The following CDH13 variants were observed in gnomAD, a reference collection of about 807,000 sequenced individuals.
CDH13 encodes the protein cadherin 13.
Under a neutral mutation model 63.8 loss-of-function variants are expected in CDH13, and 24 were observed. The ratio of observed to expected loss-of-function variants is 0.38; its 90% CI spans 0.27 to 0.53. The LOEUF (loss-of-function observed/expected upper bound fraction) is 0.53, where lower values mean the gene tolerates loss of function less well. Among genes scored for constraint, CDH13 ranks in the 20% least tolerant of loss-of-function variants. The pLI, the probability that CDH13 is intolerant of heterozygous loss-of-function variation, is 0.85. For synonymous variants in CDH13, 503 were observed against 355.3 expected (o/e 1.42, Z -4.67); for missense variants, 1,049 against 903.1 (o/e 1.16, Z -2.07).
At chr16:83,680,387 A>T (rs1369828171) in intron 10 of CDH13, among the ~76,000 whole-genome samples, 1 of 152,180 alleles carries the variant, frequency 6.6e-6, no homozygotes, top group Non-Finnish European at 1.5e-5. Context: ...AGGGATGAAC[A>T]TCCTGTCTGG....
intron 1 of CDH13, among the ~76,000 whole-genome samples, chr16:82,669,015 C>G (rs536548045): frequency 6.6e-6 from 1 of 152,298 alleles, no homozygotes; most frequent in African/African-American, 2.4e-5. Context: ...TCATATTGCT[C>G]TCATTGCCAT....
chr16:83,737,970 AT>A (rs1342932540), intron 10 of CDH13, among the ~76,000 whole-genome samples: 2 of 152,224 alleles, frequency 1.3e-5, no homozygotes, highest in African/African-American at 4.8e-5. Flanking sequence ...TGATGAGGCA[AT>A]GGCAGACAGT....
At position 82,784,302 on chromosome 16, in the gene CDH13, G is replaced by A. The variant is rs545911564; in HGVS notation, c.46-74060G>A. ...GTCGGCCAGAATGCAGAAGTATCAC[G>A]GCGCAGCATGTGGGAGAGGTTCTTA... is the stretch of plus-strand genomic sequence containing the variant. On this transcript the variant is annotated intron_variant, in intron 1 of 13. Transcript: ENST00000567109. Among the ~76,000 whole-genome samples, 23 of 152,314 alleles carry A rather than the reference G, an allele frequency of 1.5e-4. No homozygotes were observed. The East Asian group carries it at 4.0e-3, about 27-fold the overall frequency.
intron 1 of CDH13, among the ~76,000 whole-genome samples, chr16:82,753,677 G>A (rs781116449): frequency 3.3e-5 from 5 of 152,222 alleles, no homozygotes; most frequent in Admixed American, 6.5e-5. Flanking sequence ...TGAGCTTGCT[G>A]ACTGTGAGCA....
intron 4 of CDH13, among the ~76,000 whole-genome samples, chr16:83,146,324 A>G (rs1293632841): frequency 1.3e-5 from 2 of 152,262 alleles, no homozygotes; most frequent in South Asian, 4.1e-4. Context: ...TTATGTCTAG[A>G]TAACTCCATC....
At chr16:83,112,529 T>C (rs1453747235) in intron 3 of CDH13, among the ~76,000 whole-genome samples, 2 of 152,184 alleles carry the variant, frequency 1.3e-5, no homozygotes, top group African/African-American at 2.4e-5. Flanking sequence ...TTAGAAGAAA[T>C]AGCCAAAAAG....
intron 8 of CDH13, among the ~76,000 whole-genome samples, chr16:83,620,943 T>A (rs546209549): frequency 1.3e-5 from 2 of 152,192 alleles, no homozygotes; most frequent in South Asian, 4.1e-4. Flanking sequence ...TGGGGCCCCA[T>A]GCTGTTAAGT....
At chr16:83,010,267 G>A (rs1044157570) in intron 2 of CDH13, among the ~76,000 whole-genome samples, 6 of 150,910 alleles carry the variant, frequency 4.0e-5, no homozygotes, top group Admixed American at 2.0e-4. Context: ...CTTGGTCCAC[G>A]CCAATCCCAT....
At chr16:83,558,905 C>T (rs1426536727) in intron 7 of CDH13, among the ~76,000 whole-genome samples, 1 of 152,132 alleles carries the variant, frequency 6.6e-6, no homozygotes, top group African/African-American at 2.4e-5. Context: ...ACAGTCACAT[C>T]GGGTCCTCTG....
At chr16:82,936,538 A>G (rs1043056835) in intron 2 of CDH13, among the ~76,000 whole-genome samples, 1 of 152,306 alleles carries the variant, frequency 6.6e-6, no homozygotes, top group Non-Finnish European at 1.5e-5. Context: ...AGGTTGGAAG[A>G]CTGCTGATCT....
At chr16:83,744,283 G>A (rs1397451737) in intron 10 of CDH13, among the ~76,000 whole-genome samples, 1 of 152,178 alleles carries the variant, frequency 6.6e-6, no homozygotes, top group Non-Finnish European at 1.5e-5. Context: ...ACCTAGTGAG[G>A]TGATTAATTC....
At chr16:83,442,225 A>G (rs1027900922) in intron 6 of CDH13, among the ~76,000 whole-genome samples, 1 of 152,134 alleles carries the variant, frequency 6.6e-6, no homozygotes, top group Non-Finnish European at 1.5e-5. Context: ...GGCCTCAGTT[A>G]CCTCATCCGT....
chr16:83,398,286 T>A (rs2091917237), intron 6 of CDH13: 1 of 152,226 alleles, frequency 6.6e-6, no homozygotes, highest in South Asian at 2.1e-4. Flanking sequence ...ATGCTCCCTT[T>A]AAAGGCTCCA....
intron 3 of CDH13, among the ~76,000 whole-genome samples, chr16:83,120,763 C>CTTTTTATTTTTTTTTTTTTTTTTTTTT (rs2035531827): frequency 1.7e-5 from 1 of 60,226 alleles, no homozygotes; most frequent in African/African-American, 4.8e-5. Context: ...AATTTTCTTT[C>CTTTTTATTTTTTTTTTTTTTTTTTTTT]TTTTTTTTTT....
At chr16:83,035,132 A>G (rs1916732712) in intron 3 of CDH13, among the ~76,000 whole-genome samples, 1 of 152,186 alleles carries the variant, frequency 6.6e-6, no homozygotes, top group Non-Finnish European at 1.5e-5. Context: ...AACAAAATAG[A>G]TAGCAAAAGA....
At chr16:83,668,892 G>A (rs1291340619) in intron 8 of CDH13, among the ~76,000 whole-genome samples, 2 of 152,210 alleles carry the variant, frequency 1.3e-5, no homozygotes, top group South Asian at 4.1e-4. Context: ...TTCCTGCTGA[G>A]CCCAGATGTA....
intron 5 of CDH13, among the ~76,000 whole-genome samples, chr16:83,281,250 G>C (rs143926765): frequency 1.3e-5 from 2 of 152,328 alleles, no homozygotes; most frequent in African/African-American, 4.8e-5. Context: ...GCTTCGCCTA[G>C]CACTATGTTA....
intron 2 of CDH13, among the ~76,000 whole-genome samples, chr16:82,943,776 A>C (rs1444148531): frequency 6.6e-6 from 1 of 152,240 alleles, no homozygotes; most frequent in Non-Finnish European, 1.5e-5. Flanking sequence ...ATGTCTCTCA[A>C]GGTAGTGTCT....
intron 8 of CDH13, among the ~76,000 whole-genome samples, chr16:83,624,602 C>T (rs1381123834): frequency 3.3e-5 from 5 of 152,122 alleles, no homozygotes; most frequent in Admixed American, 1.3e-4. Flanking sequence ...GGTGCTCAGG[C>T]GGTCATGCTC....
Sources: gnomAD v4.1 joint callset for allele counts (sites outside exome capture counted in the v4.1 genomes callset) on GRCh38, gnomAD v4.1.1 for gene constraint, MANE v1.5 for transcripts, NCBI Gene and HGNC (gene_info 2026-07-23, HGNC 2026-07-21) for gene names.